ESYT2: variants seen among roughly 807,000 people sequenced by gnomAD.
The protein encoded by ESYT2 is extended synaptotagmin-2.
A neutral mutation model predicts 107.2 loss-of-function variants in ESYT2; 54 were observed. That is an observed-to-expected ratio of 0.50 (90% CI 0.40 to 0.63). ESYT2 has a LOEUF of 0.63. Ranked by LOEUF, ESYT2 falls within the 30% of genes least tolerant of loss-of-function variation. The probability of loss-of-function intolerance (pLI) is 0.00; values close to 1 mark genes in which losing one functional copy is unlikely to be tolerated. For synonymous variants in ESYT2, 491 were observed against 434.1 expected (o/e 1.13, Z -1.63); for missense variants, 1,020 against 1,094.5 (o/e 0.93, Z 0.96).
At position 158,759,451 on chromosome 7, in the gene ESYT2, T is replaced by A. The variant is rs756705984; in HGVS notation, c.1419+35A>T. On this transcript the variant is annotated intron_variant, in intron 13 of 22. Transcript: ENST00000275418. ...ATAAGCAAGAGCAGCTGCTAGGAAATACGCACCCACAGGTGTTACCACTGT... is the reference window on the plus strand; with the variant it reads ...ATAAGCAAGAGCAGCTGCTAGGAAAAACGCACCCACAGGTGTTACCACTGT... 5 of 1,530,134 alleles carry A rather than the reference T, an allele frequency of 3.3e-6. No individual in the cohort carries two copies. In the South Asian group the frequency reaches 5.7e-5, roughly 17 times the overall value. 94.8% of individuals were successfully genotyped at this position (1,530,134 alleles called of 1,614,324 possible).
At chr7:158,752,880 A>G (rs750879857) in intron 13 of ESYT2, 37 bp from the exon 14 acceptor site, 116 of 1,233,870 alleles carry the variant, frequency 9.4e-5, no homozygotes, top group Non-Finnish European at 1.2e-4. Flanking sequence ...GCCAAGGGTT[A>G]ATAAAACATG....
intron 1 of ESYT2, among the ~76,000 whole-genome samples, chr7:158,823,804 G>A (rs1322035242): frequency 1.3e-5 from 2 of 152,054 alleles, no homozygotes; most frequent in African/African-American, 2.4e-5. Context: ...AGGTTCATTA[G>A]GTCTAACAAT....
At chr7:158,760,330 G>A (rs149105816) in intron 11 of ESYT2, among the ~76,000 whole-genome samples, 183 bp from the exon 12 acceptor site, 4 of 152,314 alleles carry the variant, frequency 2.6e-5, no homozygotes, top group African/African-American at 9.6e-5. Flanking sequence ...GTGACCTCAC[G>A]TTTGGAGGCG....
rs374453770 is a variant in ESYT2 at position 158,741,659 on chromosome 7, G to C, written c.2032C>G (p.Leu678Val). ...AGGAGGCTGGAGGAGCTTCTGCCCA[G>C]GTCGTGCAGCCCCTGAGGGCCGGCC... ...PEAGPQGLHDLGRSSSSLLAS... is the reference protein window; with the variant it reads ...PEAGPQGLHDVGRSSSSLLAS... Residue 678 changes from leucine (L) to valine (V), a missense_variant, in exon 18 of 23, where the codon CTG becomes GTG. Coordinates refer to ENST00000275418, the MANE Select transcript of ESYT2 (RefSeq NM_001367773.1). The C allele has an allele frequency of 1.5e-5, 24 of 1,613,850 alleles. No individual in the cohort carries two copies. The highest frequency in any genetic ancestry group is 2.0e-5 in the Non-Finnish European group (24 of 1,180,020).
At chr7:158,784,139 C>T (rs779801704) in intron 6 of ESYT2, among the ~76,000 whole-genome samples, 29 of 152,270 alleles carry the variant, frequency 1.9e-4, no homozygotes, top group African/African-American at 6.5e-4. Flanking sequence ...CCTCTGTACC[C>T]CCTCTACTGG....
In ESYT2 at chr7:158,734,196, GC is replaced by G. The variant is rs751033290; in HGVS notation, c.*10del. 13 of 1,614,082 alleles carry G rather than the reference GC, an allele frequency of 8.1e-6. No individual in the cohort carries two copies. Among genetic ancestry groups the G allele is most frequent in the Non-Finnish European group, 1.1e-5 (13 of 1,180,020 alleles). On this transcript the variant is annotated 3_prime_UTR_variant, in exon 23 of 23. Transcript: ENST00000275418. ...AGCTACGCTGAAGAGGACGCCTCCT[GC>G]CTGCTGCGGCTATGTCATCGCCTGA... is the stretch of plus-strand genomic sequence containing the variant.
chr7:158,756,415 A>G (rs1306520299), intron 13 of ESYT2, among the ~76,000 whole-genome samples: 1 of 152,224 alleles, frequency 6.6e-6, no homozygotes, highest in Non-Finnish European at 1.5e-5. Context: ...AGTGTCTTAA[A>G]AGAAAGTGAA....
intron 3 of ESYT2, 55 bp downstream of exon 3, chr7:158,797,887 T>C: frequency 6.4e-7 from 1 of 1,569,150 alleles, no homozygotes. Flanking sequence ...TGTTGTTTTG[T>C]GTTTTCACAG....
intron 18 of ESYT2, 90 bp downstream of exon 18, chr7:158,741,433 A>G (rs781406775): frequency 1.0e-5 from 15 of 1,486,056 alleles, no homozygotes; most frequent in East Asian, 4.6e-5. Context: ...TGCCGGCCTC[A>G]TGCTCTGCTG....
intron 6 of ESYT2, among the ~76,000 whole-genome samples, chr7:158,781,920 G>A (rs1838845625): frequency 6.6e-6 from 1 of 151,508 alleles, no homozygotes; most frequent in African/African-American, 2.4e-5. Flanking sequence ...ACAGAACAAA[G>A]TGTGAAAGGT....
chr7:158,734,493 G>C (rs201696543), intron 21 of ESYT2, 22 bp from the exon 22 acceptor site: 3 of 1,609,548 alleles, frequency 1.9e-6, no homozygotes, highest in East Asian at 4.5e-5. Flanking sequence ...TAAAAAAGCA[G>C]TTAAAGTAGG....
chr7:158,799,175 A>G, intron 1 of ESYT2, 103 bp from the exon 2 acceptor site: 1 of 1,036,488 alleles, frequency 9.6e-7, no homozygotes, highest in Non-Finnish European at 1.5e-6. Flanking sequence ...TATGTTTACA[A>G]GATGCTTCTT....
chr7:158,821,537 T>C (rs573122071), intron 1 of ESYT2, among the ~76,000 whole-genome samples: 1 of 152,334 alleles, frequency 6.6e-6, no homozygotes, highest in Non-Finnish European at 1.5e-5. Context: ...CCAAACTCTG[T>C]CTTAAAAGCA....
chr7:158,782,380 AGT>A (rs1838907243), intron 6 of ESYT2, among the ~76,000 whole-genome samples: 1 of 19,536 alleles, frequency 5.1e-5, no homozygotes, highest in African/African-American at 1.8e-4. Flanking sequence ...GTGAGAACAA[AGT>A]GAGGTAAGAA....
chr7:158,782,288 T>C (rs1838892030), intron 6 of ESYT2, among the ~76,000 whole-genome samples: 1 of 48,276 alleles, frequency 2.1e-5, no homozygotes, highest in Non-Finnish European at 6.9e-5. Flanking sequence ...ATGTGAGAAA[T>C]GTGTGAAACA....
chr7:158,739,749 A>C (rs1837126124), intron 18 of ESYT2, among the ~76,000 whole-genome samples: 1 of 152,056 alleles, frequency 6.6e-6, no homozygotes, highest in Non-Finnish European at 1.5e-5. Context: ...AGAGAAACTT[A>C]AACACTGAGT....
intron 4 of ESYT2, 82 bp downstream of exon 4, chr7:158,793,568 C>A: frequency 9.9e-7 from 1 of 1,008,734 alleles, no homozygotes; most frequent in Non-Finnish European, 1.5e-6. Context: ...CGTGTGCTCA[C>A]TGTATCCTCC....
chr7:158,747,884 T>G (rs1837456525), intron 16 of ESYT2, among the ~76,000 whole-genome samples: 1 of 152,228 alleles, frequency 6.6e-6, no homozygotes, highest in Non-Finnish European at 1.5e-5. Context: ...AGACAAACTG[T>G]GGGTATCTGC....
chr7:158,768,108 A>G (rs1441521435), intron 7 of ESYT2, among the ~76,000 whole-genome samples: 3 of 152,244 alleles, frequency 2.0e-5, no homozygotes, highest in African/African-American at 7.2e-5. Flanking sequence ...AATAACATTT[A>G]ATGTATTCCT....
Sources: gnomAD v4.1 joint callset for allele counts (sites outside exome capture counted in the v4.1 genomes callset) on GRCh38, gnomAD v4.1.1 for gene constraint, MANE v1.5 for transcripts, NCBI Gene and HGNC (gene_info 2026-07-23, HGNC 2026-07-21) for gene names.